The following OTUD7A variants were observed in gnomAD, a reference collection of about 807,000 sequenced individuals.
The protein encoded by OTUD7A is OTU domain-containing protein 7A.
In OTUD7A, 12 loss-of-function variants were observed where a neutral mutation model predicts 65.7. That is an observed-to-expected ratio of 0.18 (90% CI 0.12 to 0.30). OTUD7A has a LOEUF of 0.30. Ranked by LOEUF, OTUD7A falls within the 10% of genes least tolerant of loss-of-function variation. The pLI is 1.00. For synonymous variants in OTUD7A, 641 were observed against 586.3 expected (o/e 1.09, Z -1.35); for missense variants, 1,148 against 1,304.8 (o/e 0.88, Z 1.85).
chr15:31,630,297 G>C (rs936702421), intron 3 of OTUD7A, among the ~76,000 whole-genome samples: 16 of 149,712 alleles, frequency 1.1e-4, no homozygotes, highest in Non-Finnish European at 1.5e-4. Context: ...TTGTGTCTTT[G>C]TTCTCGTTGG....
chr15:31,598,945 C>A (rs554844508), intron 3 of OTUD7A, among the ~76,000 whole-genome samples: 23 of 152,136 alleles, frequency 1.5e-4, no homozygotes, highest in Non-Finnish European at 2.6e-4. Context: ...CGTGGCCAGA[C>A]TGCCTCTGGA....
At chr15:31,486,277 A>G (rs1437175166) in intron 12 of OTUD7A, among the ~76,000 whole-genome samples, 1 of 152,148 alleles carries the variant, frequency 6.6e-6, no homozygotes, top group Non-Finnish European at 1.5e-5. Context: ...GCAGGACTCA[A>G]ACTGCCACCG....
chr15:31,726,051 A>T (rs1476282057), intron 1 of OTUD7A, among the ~76,000 whole-genome samples: 4 of 68,566 alleles, frequency 5.8e-5, no homozygotes, highest in East Asian at 4.0e-4. Flanking sequence ...TGAGCCAGAC[A>T]GAGTTTTTTT....
chr15:31,628,720 C>T (rs1891044253), intron 3 of OTUD7A, among the ~76,000 whole-genome samples: 1 of 152,112 alleles, frequency 6.6e-6, no homozygotes, highest in Non-Finnish European at 1.5e-5. Context: ...TCTTCCTACC[C>T]ATGAGCATGG....
intron 1 of OTUD7A, among the ~76,000 whole-genome samples, chr15:31,778,795 C>A (rs1463817532): frequency 6.6e-6 from 1 of 152,148 alleles, no homozygotes; most frequent in African/African-American, 2.4e-5. Flanking sequence ...GTGGGGGATT[C>A]ATTTATTTCT....
intron 12 of OTUD7A, among the ~76,000 whole-genome samples, chr15:31,486,568 T>C (rs1305224536): frequency 6.6e-6 from 1 of 151,122 alleles, no homozygotes; most frequent in Non-Finnish European, 1.5e-5. Context: ...GTCAGATGCT[T>C]AAAATGAATC....
chr15:31,761,202 A>C (rs966630730), intron 1 of OTUD7A, among the ~76,000 whole-genome samples: 19 of 152,218 alleles, frequency 1.2e-4, no homozygotes, highest in Non-Finnish European at 2.2e-4. Context: ...AATTACAAAT[A>C]TTTATAGTTT....
intron 1 of OTUD7A, among the ~76,000 whole-genome samples, chr15:31,677,301 G>C (rs970074917): frequency 2.0e-5 from 3 of 152,150 alleles, no homozygotes; most frequent in African/African-American, 7.2e-5. Flanking sequence ...AAGAAATAAA[G>C]CTGCCTTGTG....
At chr15:31,575,586 G>T (rs967184908) in intron 3 of OTUD7A, among the ~76,000 whole-genome samples, 1 of 152,280 alleles carries the variant, frequency 6.6e-6, no homozygotes, top group East Asian at 1.9e-4. Context: ...ACCATGGGTT[G>T]ACTGAACTCT....
intron 1 of OTUD7A, among the ~76,000 whole-genome samples, chr15:31,719,253 G>C (rs1478658480): frequency 6.6e-6 from 1 of 152,032 alleles, no homozygotes; most frequent in Non-Finnish European, 1.5e-5. Flanking sequence ...CATGCATTAT[G>C]TTTGAAATCC....
At chr15:31,680,006 C>T (rs938177143) in intron 1 of OTUD7A, among the ~76,000 whole-genome samples, 9 of 151,940 alleles carry the variant, frequency 5.9e-5, no homozygotes, top group Non-Finnish European at 1.3e-4. Context: ...AATGACTAGT[C>T]GACAAATGAA....
At chr15:31,837,092 GAATCTAC>G in intron 1 of OTUD7A, among the ~76,000 whole-genome samples, 1 of 152,156 alleles carries the variant, frequency 6.6e-6, no homozygotes, top group South Asian at 2.1e-4. Flanking sequence ...AAATAATAAG[GAATCTAC>G]AGAAAATCTT....
intron 1 of OTUD7A, among the ~76,000 whole-genome samples, chr15:31,769,671 T>C (rs1025730449): frequency 6.6e-6 from 1 of 152,224 alleles, no homozygotes; most frequent in African/African-American, 2.4e-5. Flanking sequence ...CAAGGATAAA[T>C]CTCAAATCTG....
intron 1 of OTUD7A, among the ~76,000 whole-genome samples, chr15:31,733,800 G>A (rs767670564): frequency 6.6e-6 from 1 of 152,150 alleles, no homozygotes; most frequent in Non-Finnish European, 1.5e-5. Flanking sequence ...TCAAGTCTTA[G>A]CCACATAATG....
chr15:31,755,060 CGT>C (rs71424619), intron 1 of OTUD7A, among the ~76,000 whole-genome samples: 241 of 146,218 alleles, frequency 1.6e-3, no homozygotes, highest in African/African-American at 5.1e-3. Context: ...CCTCTGTGTT[CGT>C]GTGTGTGTGT....
rs2041160957 is a variant in OTUD7A, at chr15:31,483,255, C to G, written c.*39G>C. ...ACCGACACAATGGAAAAGAAATCCT[C>G]GAAGGTAGAACCTCGCCGCCCGCGC... is the stretch of plus-strand genomic sequence containing the variant. On this transcript the variant is annotated 3_prime_UTR_variant, in exon 13 of 13. Transcript: ENST00000307050. 9.4e-7 allele frequency: 1 copy of G among 1,068,202 alleles called. No individual in the cohort carries two copies. Among genetic ancestry groups the G allele is most frequent in the Non-Finnish European group, 1.1e-6 (1 of 885,046 alleles). 66.2% of individuals were successfully genotyped at this position (1,068,202 alleles called of 1,614,324 possible). A position where few individuals can be genotyped will look rare whatever the true frequency, so the allele number is the denominator to read the frequency against.
At chr15:31,606,238 T>G (rs1245082683) in intron 3 of OTUD7A, among the ~76,000 whole-genome samples, 1 of 152,210 alleles carries the variant, frequency 6.6e-6, no homozygotes. Context: ...TGTTTAACTA[T>G]TTTACCATCT....
chr15:31,482,695 G>C lies in OTUD7A; in HGVS notation c.*599C>G, dbSNP rs180813532. ...GCTTGAGCCGGGGCTGGGGGAGGAG[G>C]TTTTGCTTATGAAATGGAGCTGTGT... is the stretch of plus-strand genomic sequence containing the variant. On this transcript the variant is annotated 3_prime_UTR_variant, in exon 13 of 13. Transcript: ENST00000307050. 2 of 152,234 alleles carry C rather than the reference G, an allele frequency of 1.3e-5. No homozygotes were observed. The highest frequency in any genetic ancestry group is 3.9e-4 in the East Asian group (2 of 5,168). The allele number at this position is 152,234 out of a possible 1,614,324, so 9.4% of individuals were successfully genotyped here.
At position 31,487,135 on chromosome 15, in the gene OTUD7A, C is replaced by G; in HGVS notation, c.1371+59G>C. Reference sequence around the variant, plus strand: ...TTTGGGAGGATGCACCCTGGTCAGACTGGAGCTGAGCAGCCTGGACCCTGC... The same window carrying G: ...TTTGGGAGGATGCACCCTGGTCAGAGTGGAGCTGAGCAGCCTGGACCCTGC... On this transcript the variant is annotated intron_variant, in intron 12 of 12. Coordinates refer to ENST00000307050, the MANE Select transcript of OTUD7A (RefSeq NM_001382637.1). This position sits in a 1 kb window ranked among gnomAD's most constrained non-coding sequence, Gnocchi z 6.0. 6.5e-7 allele frequency: 1 copy of G among 1,527,634 alleles called. No individual in the cohort carries two copies. The highest frequency in any genetic ancestry group is 9.0e-7 in the Non-Finnish European group (1 of 1,108,536). The allele number at this position is 1,527,634 out of a possible 1,614,324, so 94.6% of individuals were successfully genotyped here. A position where few individuals can be genotyped will look rare whatever the true frequency, so the allele number is the denominator to read the frequency against.
Sources: gnomAD v4.1 joint callset for allele counts (sites outside exome capture counted in the v4.1 genomes callset) on GRCh38, gnomAD v4.1.1 for gene constraint, Gnocchi (gnomAD v3.1) non-coding constraint, MANE v1.5 for transcripts, NCBI Gene and HGNC (gene_info 2026-07-23, HGNC 2026-07-21) for gene names.